Variants in SLC9B1 observed in about 807,000 individuals in gnomAD.
SLC9B1 encodes solute carrier family 9 member B1.
In SLC9B1, 32 loss-of-function variants were observed where a neutral mutation model predicts 51.7. That is an observed-to-expected ratio of 0.62 (90% CI 0.47 to 0.83). The LOEUF (loss-of-function observed/expected upper bound fraction) is 0.83, where lower values mean the gene tolerates loss of function less well. Among genes scored for constraint, SLC9B1 ranks in the 40% least tolerant of loss-of-function variants. The pLI, the probability that SLC9B1 is intolerant of heterozygous loss-of-function variation, is 0.00. For missense variants in SLC9B1, 406 were observed against 613.2 expected, an observed-to-expected ratio of 0.66 and a Z score of 3.57; for synonymous variants, 145 against 212.7, an observed-to-expected ratio of 0.68 and a Z score of 2.77.
intron 6 of SLC9B1, among the ~76,000 whole-genome samples, chr4:102,936,774 C>G (rs4334756): frequency 0.09 from 13,625 of 152,196 alleles, 794 homozygotes; most frequent in Admixed American, 0.15. Flanking sequence ...ACATATGACT[C>G]AAGGCATCAC....
chr4:102,887,638 CCAA>C, intron 11 of SLC9B1: 2 of 401,216 alleles, frequency 5.0e-6, no homozygotes, highest in Non-Finnish European at 9.0e-6. Flanking sequence ...AATGTATCTT[CCAA>C]CAATAAAATC....
rs553381088 is a variant in SLC9B1 at position 102,947,106 on chromosome 4, G to A, written c.383-317C>T. 2.0e-5 allele frequency among the ~76,000 whole-genome samples: 3 copies of A among 152,278 alleles called. No homozygotes were observed. The East Asian group carries it at 5.8e-4, about 29-fold the overall frequency. ...GTAAGGCACCATGGGAAGGTTTTAG[G>A]CAGGAAGTAACATAATGAGTCTTGC... On this transcript the variant is annotated intron_variant, in intron 4 of 11. Transcript: ENST00000296422.
chr4:102,957,334 C>G (rs1403195686), intron 3 of SLC9B1, among the ~76,000 whole-genome samples: 7 of 152,064 alleles, frequency 4.6e-5, no homozygotes, highest in Non-Finnish European at 5.9e-5. Context: ...TTCAACAAAT[C>G]TCAAGTAGGA....
At chr4:102,985,158 G>A (rs546292018) in intron 3 of SLC9B1, among the ~76,000 whole-genome samples, 1 of 152,176 alleles carries the variant, frequency 6.6e-6, no homozygotes, top group South Asian at 2.1e-4. Flanking sequence ...CTTTTTATTA[G>A]TGTTAGAATG....
intron 1 of SLC9B1, among the ~76,000 whole-genome samples, chr4:102,995,583 C>G (rs1740172146): frequency 6.6e-6 from 1 of 152,124 alleles, no homozygotes; most frequent in South Asian, 2.1e-4. Context: ...AGGTTAATAG[C>G]TATAAGAGAA....
intron 9 of SLC9B1, among the ~76,000 whole-genome samples, chr4:102,909,334 T>C (rs1735222232): frequency 6.6e-6 from 1 of 151,510 alleles, no homozygotes; most frequent in Non-Finnish European, 1.5e-5. Context: ...TCTATCCCTA[T>C]AGATGTACCT....
At chr4:102,964,611 A>G (rs186815628) in intron 3 of SLC9B1, among the ~76,000 whole-genome samples, 16 of 152,340 alleles carry the variant, frequency 1.1e-4, no homozygotes, top group Admixed American at 1.0e-3. Flanking sequence ...AATCAAATGA[A>G]GTTTATCTCA....
At chr4:102,960,826 G>T (rs1174442409) in intron 3 of SLC9B1, among the ~76,000 whole-genome samples, 1 of 151,076 alleles carries the variant, frequency 6.6e-6, no homozygotes, top group Admixed American at 6.6e-5. Flanking sequence ...TCCGCCTCCC[G>T]GGTTCAAGCG....
chr4:103,010,081 C>A (rs144882407), intron 1 of SLC9B1, among the ~76,000 whole-genome samples: 47 of 152,244 alleles, frequency 3.1e-4, no homozygotes, highest in Non-Finnish European at 5.0e-4. Flanking sequence ...GATTTTAAAC[C>A]GTTTTCGGGT....
At chr4:102,915,021 T>G (rs77724161) in intron 7 of SLC9B1, among the ~76,000 whole-genome samples, 107 of 145,380 alleles carry the variant, frequency 7.4e-4, no homozygotes, top group South Asian at 3.0e-3. Context: ...ACAAGGGAGA[T>G]GCCATATGGT....
chr4:102,944,473 C>T (rs1403476047), intron 6 of SLC9B1, among the ~76,000 whole-genome samples: 1 of 152,126 alleles, frequency 6.6e-6, no homozygotes, highest in Non-Finnish European at 1.5e-5. Context: ...GGTCATTCCT[C>T]CTTTATTTAT....
intron 7 of SLC9B1, among the ~76,000 whole-genome samples, chr4:102,912,927 C>G (rs1735407273): frequency 6.6e-6 from 1 of 152,092 alleles, no homozygotes. Context: ...GAATGGGGAG[C>G]TCCAAACCTT....
chr4:102,987,820 T>C (rs1455286301), intron 3 of SLC9B1, among the ~76,000 whole-genome samples: 1 of 152,222 alleles, frequency 6.6e-6, no homozygotes. Flanking sequence ...GAGGTTTTCA[T>C]TCCTGTAAGT....
chr4:102,967,027 T>G (rs1208729205), intron 3 of SLC9B1, among the ~76,000 whole-genome samples: 1 of 152,194 alleles, frequency 6.6e-6, no homozygotes, highest in Non-Finnish European at 1.5e-5. Context: ...CACAGCCAAA[T>G]TTTTGCTATG....
chr4:102,934,986 A>G (rs1736647724), intron 6 of SLC9B1, among the ~76,000 whole-genome samples: 1 of 152,120 alleles, frequency 6.6e-6, no homozygotes, highest in South Asian at 2.1e-4. Context: ...TTCATTTTCA[A>G]AGTCAAGTGA....
At chr4:102,915,214 C>A (rs1412083248) in intron 7 of SLC9B1, among the ~76,000 whole-genome samples, 1 of 151,856 alleles carries the variant, frequency 6.6e-6, no homozygotes, top group Non-Finnish European at 1.5e-5. Context: ...GAATTGATCA[C>A]CACTAGACCT....
intron 1 of SLC9B1, among the ~76,000 whole-genome samples, chr4:103,004,251 T>C (rs1006340534): frequency 6.6e-6 from 1 of 152,306 alleles, no homozygotes; most frequent in East Asian, 1.9e-4. Flanking sequence ...CAAACTGATC[T>C]GATAGAACTA....
intron 11 of SLC9B1, among the ~76,000 whole-genome samples, chr4:102,893,626 A>C (rs1217821882): frequency 6.6e-6 from 1 of 152,170 alleles, no homozygotes; most frequent in African/African-American, 2.4e-5. Flanking sequence ...CCTGATAAAC[A>C]TAAGACAAAA....
chr4:102,904,700 G>A (rs1386837265), intron 11 of SLC9B1, among the ~76,000 whole-genome samples: 1 of 151,806 alleles, frequency 6.6e-6, no homozygotes, highest in Non-Finnish European at 1.5e-5. Context: ...AGAAAAAAAA[G>A]ACCAGGCGCA....
Sources: allele counts gnomAD v4.1 joint callset (sites outside exome capture counted in the v4.1 genomes callset), GRCh38; gene constraint gnomAD v4.1.1; transcripts MANE v1.5; gene names NCBI Gene and HGNC (gene_info 2026-07-23, HGNC 2026-07-21).